Variants in OFD1 observed in about 807,000 individuals in gnomAD.
The protein encoded by OFD1 is centriole and centriolar satellite protein OFD1.
In OFD1, 12 loss-of-function variants were observed where a neutral mutation model predicts 81.4. The ratio of observed to expected loss-of-function variants is 0.15; its 90% confidence interval spans 0.09 to 0.24. OFD1 has a LOEUF of 0.24. Ranked by LOEUF, OFD1 falls within the 10% of genes least tolerant of loss-of-function variation. The probability of loss-of-function intolerance (pLI) is 1.00; values close to 1 mark genes in which losing one functional copy is unlikely to be tolerated. For missense variants in OFD1, 685 were observed against 733.9 expected (o/e 0.93, Z 0.77); for synonymous variants, 256 against 263.7 (o/e 0.97, Z 0.28).
the OFD1 span, chrX:13,719,987 T>C: frequency 1.8e-6 from 2 of 1,082,249 alleles, no homozygotes; most frequent in Non-Finnish European, 2.5e-6. Context: ...TGGCTCCTAA[T>C]TAAGTGAAAA....
At chrX:13,737,106 GAC>G (rs1198219137) in intron 3 of OFD1, among the ~76,000 whole-genome samples, 1 of 109,914 alleles carries the variant, frequency 9.1e-6, no homozygotes, top group Non-Finnish European at 1.9e-5. Context: ...ACTTTTAAGT[GAC>G]AATGCAGGGT....
chrX:13,765,809 G>A (rs2048104064), intron 19 of OFD1, among the ~76,000 whole-genome samples: 1 of 112,154 alleles, frequency 8.9e-6, no homozygotes, highest in South Asian at 3.7e-4. Flanking sequence ...AGTAATTAAA[G>A]TATGGACCTT....
chrX:13,766,526 T>G, intron 19 of OFD1, among the ~76,000 whole-genome samples: 2 of 107,469 alleles, frequency 1.9e-5, no homozygotes, highest in African/African-American at 3.4e-5. Context: ...AGACCAGGAG[T>G]AGAGGAAAAG....
chrX:13,753,489 G>T (rs975813940), intron 11 of OFD1, 48 bp downstream of exon 11: 2 of 1,147,803 alleles, frequency 1.7e-6, no homozygotes, highest in African/African-American at 3.6e-5. Flanking sequence ...TCTGCTGTAG[G>T]TTATTAGCTT....
chrX:13,742,391 G>A lies in OFD1; in HGVS notation c.413-2024G>A, dbSNP rs2146949192. ...AAAATGCAAAACTATAAAACTTCCA[G>A]ATGAGAACAGTAGAAAGTCTGTGAT... On this transcript the variant is annotated intron_variant, in intron 5 of 22. Transcript: ENST00000340096. 1.8e-5 allele frequency among the ~76,000 whole-genome samples: 2 copies of A among 111,465 alleles called. 1 individual carries two copies. Among genetic ancestry groups the A allele is most frequent in the South Asian group, 7.4e-4 (2 of 2,700 alleles).
At position 13,762,368 on chromosome X, in the gene OFD1, T is replaced by G; in HGVS notation, c.2412T>G (p.Leu804=). ...GTCTTTATCGAAGACAAACTGAACT[T>G]CAAGACAAAAGTGAATTTTCAGATG... ...KVGLYRRQTE[L]QDKSEFSDVD... The change falls in exon 18 of 23, where the codon CTT becomes CTG. Residue 804 remains leucine, a synonymous_variant. Coordinates refer to ENST00000340096, the MANE Select transcript of OFD1 (RefSeq NM_003611.3). The G allele has an allele frequency of 8.3e-7, 1 of 1,199,370 alleles. No individual in the cohort carries two copies. The highest frequency in any genetic ancestry group is 1.1e-6 in the Non-Finnish European group (1 of 884,143).
chrX:13,749,360 T>C (rs1321647566), intron 8 of OFD1, 67 bp from the exon 9 acceptor site: 1 of 622,918 alleles, frequency 1.6e-6, no homozygotes, highest in East Asian at 3.3e-5. Context: ...TAGGAAGCAG[T>C]ATATTCATTC....
At chrX:13,758,302 A>T in intron 14 of OFD1, 35 bp from the exon 15 acceptor site, 1 of 962,036 alleles carries the variant, frequency 1.0e-6, no homozygotes, top group Non-Finnish European at 1.5e-6. Context: ...GATTTGTTTT[A>T]CATTGATTTC....
intron 3 of OFD1, among the ~76,000 whole-genome samples, chrX:13,738,530 A>G (rs2046964590): frequency 8.9e-6 from 1 of 112,820 alleles, no homozygotes; most frequent in African/African-American, 3.2e-5. Context: ...CCAGGAACTC[A>G]GTCATGTAGT....
At chrX:13,740,499 AAAT>A (rs1472625957) in intron 5 of OFD1, among the ~76,000 whole-genome samples, 1 of 112,206 alleles carries the variant, frequency 8.9e-6, no homozygotes, top group African/African-American at 3.2e-5. Context: ...GGATATTAAG[AAAT>A]AATCTATGGG....
intron 5 of OFD1, among the ~76,000 whole-genome samples, chrX:13,739,562 C>T (rs1038315364): frequency 1.8e-5 from 2 of 111,115 alleles, no homozygotes; most frequent in African/African-American, 6.5e-5. Flanking sequence ...CCTGACCAAC[C>T]TGGAGAAACC....
chrX:13,731,757 C>T (rs1277089622), upstream of OFD1, among the ~76,000 whole-genome samples: 1 of 112,144 alleles, frequency 8.9e-6, no homozygotes, highest in African/African-American at 3.2e-5. Flanking sequence ...ATTTATGGCA[C>T]AGGGTCTCTA....
intron 16 of OFD1, 58 bp from the exon 17 acceptor site, chrX:13,761,027 T>C: frequency 8.4e-7 from 1 of 1,194,259 alleles, no homozygotes; most frequent in South Asian, 1.8e-5. Context: ...AGAAACCACG[T>C]TGGTATCTTC....
At chrX:13,771,283 C>G (rs1051327275), downstream of OFD1, 5 of 111,135 alleles carry the variant, frequency 4.5e-5, no homozygotes, top group African/African-American at 1.6e-4. Flanking sequence ...CTGACAGCAC[C>G]TCCACTGCTG....
intron 22 of OFD1, 99 bp from the exon 23 acceptor site, chrX:13,768,967 G>T (rs2072946277): frequency 5.2e-6 from 4 of 774,865 alleles, no homozygotes; most frequent in Non-Finnish European, 8.0e-6. Context: ...GTAAACTAGG[G>T]CAGAAACCCC....
intron 6 of OFD1, 32 bp downstream of exon 6, chrX:13,744,551 C>G: frequency 1.1e-6 from 1 of 874,340 alleles, no homozygotes; most frequent in Non-Finnish European, 1.7e-6. Flanking sequence ...AATTTCAGTT[C>G]TGCTGTTTTC....
At chrX:13,772,748 G>C (rs1415932693), downstream of OFD1, 2 of 520,994 alleles carry the variant, frequency 3.8e-6, no homozygotes, top group Non-Finnish European at 6.0e-6. Context: ...ATACATCCCA[G>C]CAGCTTGAGA....
At chrX:13,764,632 C>T (rs1282797634) in intron 19 of OFD1, among the ~76,000 whole-genome samples, 1 of 112,281 alleles carries the variant, frequency 8.9e-6, no homozygotes, top group East Asian at 2.8e-4. Flanking sequence ...CTCTTAGTCC[C>T]TCCCAAACGT....
chrX:13,749,347 A>G (rs1225531149), intron 8 of OFD1, 80 bp from the exon 9 acceptor site: 2 of 579,297 alleles, frequency 3.5e-6, no homozygotes, highest in Non-Finnish European at 6.1e-6. Context: ...GCTTTTTGGA[A>G]TGTAGGAAGC....
Sources: allele counts gnomAD v4.1 joint callset (sites outside exome capture counted in the v4.1 genomes callset), GRCh38; gene constraint gnomAD v4.1.1; transcripts MANE v1.5; gene names NCBI Gene and HGNC (gene_info 2026-07-23, HGNC 2026-07-21).